The following FAM168A variants were observed in gnomAD, a reference collection of about 807,000 sequenced individuals.
The protein encoded by FAM168A is protein FAM168A.
Under a neutral mutation model 28.5 loss-of-function variants are expected in FAM168A, and 3 were observed. The observed-to-expected ratio is 0.11, with a 90% CI of 0.05 to 0.27. The LOEUF (loss-of-function observed/expected upper bound fraction) is 0.27, where lower values mean the gene tolerates loss of function less well. Ranked by LOEUF, FAM168A falls within the 10% of genes least tolerant of loss-of-function variation. FAM168A has a pLI of 1.00. For synonymous variants in FAM168A, 122 were observed against 124.2 expected, an observed-to-expected ratio of 0.98 and a Z score of 0.12; for missense variants, 222 against 311.5, an observed-to-expected ratio of 0.71 and a Z score of 2.16.
chr11:73,545,055 T>A (rs1300272799), intron 1 of FAM168A, among the ~76,000 whole-genome samples: 1 of 118,150 alleles, frequency 8.5e-6, no homozygotes, highest in Non-Finnish European at 1.6e-5. Flanking sequence ...GGAGACAGTC[T>A]CCCTCTGTCA....
chr11:73,526,965 G>C (rs1943455180), intron 1 of FAM168A, among the ~76,000 whole-genome samples: 1 of 148,996 alleles, frequency 6.7e-6, no homozygotes, highest in Non-Finnish European at 1.5e-5. Context: ...AAAAGACTAA[G>C]TAGATCACAG....
chr11:73,545,683 C>CTTTTTTTTTTT (rs966309670), intron 1 of FAM168A, among the ~76,000 whole-genome samples: 3 of 105,174 alleles, frequency 2.9e-5, no homozygotes, highest in African/African-American at 3.9e-5. Context: ...ATACTATATA[C>CTTTTTTTTTTT]TTTTTTTTTT....
At chr11:73,511,877 C>T (rs1855233158) in intron 1 of FAM168A, among the ~76,000 whole-genome samples, 1 of 152,188 alleles carries the variant, frequency 6.6e-6, no homozygotes, top group South Asian at 2.1e-4. Flanking sequence ...GTTCCTCTTT[C>T]CTTCTTGCTC....
chr11:73,424,968 C>G, intron 3 of FAM168A: 1 of 1,415,220 alleles, frequency 7.1e-7, no homozygotes, highest in South Asian at 1.3e-5. Flanking sequence ...ACCATTGTTA[C>G]GAGAGAACAC....
At chr11:73,524,854 C>T (rs1293349498) in intron 1 of FAM168A, among the ~76,000 whole-genome samples, 2 of 152,184 alleles carry the variant, frequency 1.3e-5, no homozygotes, top group Admixed American at 1.3e-4. Flanking sequence ...CCTGCCTCGG[C>T]CTCACAAAGT....
intron 1 of FAM168A, among the ~76,000 whole-genome samples, chr11:73,508,202 ATTGT>A (rs1855152573): frequency 6.6e-6 from 1 of 152,164 alleles, no homozygotes; most frequent in Non-Finnish European, 1.5e-5. Flanking sequence ...TCACCTCTAG[ATTGT>A]TTATTAAAAT....
chr11:73,573,101 T>C (rs1479796466), intron 1 of FAM168A, among the ~76,000 whole-genome samples: 1 of 152,190 alleles, frequency 6.6e-6, no homozygotes, highest in African/African-American at 2.4e-5. Context: ...TACATCAATG[T>C]GCTCACCTGA....
At chr11:73,578,645 C>T (rs1944204820) in intron 1 of FAM168A, among the ~76,000 whole-genome samples, 1 of 152,190 alleles carries the variant, frequency 6.6e-6, no homozygotes, top group Non-Finnish European at 1.5e-5. Context: ...AGTAAAACAT[C>T]ACTGAAAGTT....
At chr11:73,518,226 A>C (rs978496944) in intron 1 of FAM168A, among the ~76,000 whole-genome samples, 1 of 152,200 alleles carries the variant, frequency 6.6e-6, no homozygotes, top group Non-Finnish European at 1.5e-5. Context: ...GAAGATATGC[A>C]GTACCCAGCT....
At chr11:73,572,066 G>A (rs1411252217) in intron 1 of FAM168A, among the ~76,000 whole-genome samples, 6 of 150,164 alleles carry the variant, frequency 4.0e-5, no homozygotes, top group Non-Finnish European at 5.9e-5. Context: ...CAGCCACCCC[G>A]TCTGGGAAGT....
chr11:73,428,290 C>G (rs745580083), intron 3 of FAM168A, among the ~76,000 whole-genome samples: 5 of 152,226 alleles, frequency 3.3e-5, no homozygotes, highest in Non-Finnish European at 7.3e-5. Context: ...ACCCCACACT[C>G]ATACCTGAGA....
Position 73,467,969 on chromosome 11 carries a change from C to T in FAM168A, c.70+436G>A, listed in dbSNP as rs189715471. Among the ~76,000 whole-genome samples the T allele has an allele frequency of 8.5e-5, 13 of 152,274 alleles. No individual in the cohort carries two copies. The East Asian group carries it at 2.3e-3, about 27-fold the overall frequency. The stretch of plus-strand genomic sequence containing the variant: ...TTAGTGATAACAGTTACAGTTATAT[C>T]AGGCTGAAACTCCAATATATTTCTG... On this transcript the variant is annotated intron_variant, in intron 2 of 7. Transcript: ENST00000356467.
At chr11:73,424,767 G>A (rs371287352) in intron 3 of FAM168A, among the ~76,000 whole-genome samples, 3 of 152,262 alleles carry the variant, frequency 2.0e-5, no homozygotes, top group African/African-American at 7.2e-5. Flanking sequence ...CGGCAGCCAG[G>A]TTAGGTTGAG....
rs915863335 is a variant in FAM168A at position 73,485,196 on chromosome 11, T to C, written c.-18-16704A>G. Among the ~76,000 whole-genome samples the C allele has an allele frequency of 3.9e-5, 6 of 152,172 alleles. 1 individual carries two copies. The highest frequency in any genetic ancestry group is 1.2e-4 in the African/African-American group (5 of 41,436). On this transcript the variant is annotated intron_variant, in intron 1 of 7. Coordinates refer to ENST00000356467, the MANE Select transcript of FAM168A (RefSeq NM_015159.3). The stretch of plus-strand genomic sequence containing the variant: ...ACACATCTAAAGGACTGTTTTAAAG[T>C]CATTCCATTGACCAAGTTTTTACAT...
rs138620450 is a variant in FAM168A, at chr11:73,561,190, C to T, written c.-19+36733G>A. On this transcript the variant is annotated intron_variant, in intron 1 of 7. Transcript: ENST00000356467. ...GGGAGTTCGAGATCAGCCTGACCAA[C>T]GTGGAGAAATCCGTTTCTACTAAAA... is the stretch of plus-strand genomic sequence containing the variant. Among the ~76,000 whole-genome samples the T allele has an allele frequency of 1.8e-3, 266 of 151,728 alleles. 2 individuals carry two copies. The highest frequency in any genetic ancestry group is 6.2e-3 in the African/African-American group (256 of 41,290).
At chr11:73,592,687 C>A (rs1944396052) in intron 1 of FAM168A, among the ~76,000 whole-genome samples, 1 of 150,748 alleles carries the variant, frequency 6.6e-6, no homozygotes, top group African/African-American at 2.4e-5. Flanking sequence ...GATGGGGAGA[C>A]AAAAAGGAAG....
At chr11:73,535,747 A>T (rs1943571719) in intron 1 of FAM168A, among the ~76,000 whole-genome samples, 1 of 119,006 alleles carries the variant, frequency 8.4e-6, no homozygotes, top group African/African-American at 3.3e-5. Flanking sequence ...TTTTTGAGAG[A>T]TGGGGGTATC....
intron 1 of FAM168A, among the ~76,000 whole-genome samples, chr11:73,498,951 T>A (rs1854946821): frequency 6.6e-6 from 1 of 152,140 alleles, no homozygotes; most frequent in Non-Finnish European, 1.5e-5. Flanking sequence ...TTCTGAGGAA[T>A]CTGGGCAGCC....
At chr11:73,469,829 A>G (rs1194188657) in intron 1 of FAM168A, among the ~76,000 whole-genome samples, 2 of 152,186 alleles carry the variant, frequency 1.3e-5, no homozygotes, top group Admixed American at 6.5e-5. Flanking sequence ...CCCAAGTAAC[A>G]TACACTCTCT....
Sources: allele counts gnomAD v4.1 joint callset (sites outside exome capture counted in the v4.1 genomes callset), GRCh38; gene constraint gnomAD v4.1.1; transcripts MANE v1.5; gene names NCBI Gene and HGNC (gene_info 2026-07-23, HGNC 2026-07-21).